RABL6: variants seen among roughly 807,000 people sequenced by gnomAD.
RABL6 encodes the protein RAB, member RAS oncogene family like 6.
In RABL6, 28 loss-of-function variants were observed where a neutral mutation model predicts 72.9. The ratio of observed to expected loss-of-function variants is 0.38; its 90% CI spans 0.28 to 0.53. RABL6 has a LOEUF of 0.53. RABL6 is among the 20% of genes least tolerant of loss of function. RABL6 has a pLI of 0.80. For missense variants in RABL6, 1,029 were observed against 1,008.4 expected, an observed-to-expected ratio of 1.02 and a Z score of -0.28; for synonymous variants, 477 against 421.2, an observed-to-expected ratio of 1.13 and a Z score of -1.62.
chr9:136,822,012 G>A (rs1306420624), intron 1 of RABL6: 1 of 1,289,726 alleles, frequency 7.8e-7, no homozygotes, highest in Non-Finnish European at 1.0e-6. Context: ...GGATGGGCGA[G>A]GAAATGAACA....
intron 1 of RABL6, chr9:136,809,385 A>G: frequency 4.2e-6 from 1 of 239,026 alleles, no homozygotes; most frequent in Middle Eastern, 1.0e-3. Flanking sequence ...GAGCAAGAGG[A>G]AGCTGCAGAC....
rs939266247 is a variant in RABL6, at chr9:136,840,882, T to G, written c.*360T>G. 1 of 1,522,972 alleles carries G rather than the reference T, an allele frequency of 6.6e-7. No homozygotes were observed. Among genetic ancestry groups the G allele is most frequent in the South Asian group, 1.2e-5 (1 of 82,074 alleles). The allele number at this position is 1,522,972 out of a possible 1,614,324, so 94.3% of individuals were successfully genotyped here. A position where few individuals can be genotyped will look rare whatever the true frequency, so the allele number is the denominator to read the frequency against. The stretch of plus-strand genomic sequence containing the variant: ...GGGCAGGGGCCGCTTGGCTGTGGGG[T>G]GTGCGCTGCCCCGGCACCTGCTTGC... On this transcript the variant is annotated 3_prime_UTR_variant, in exon 15 of 15. Coordinates refer to ENST00000311502, the MANE Select transcript of RABL6 (RefSeq NM_024718.5).
intron 5 of RABL6, among the ~76,000 whole-genome samples, 194 bp downstream of exon 5, chr9:136,829,678 T>C (rs1848431098): frequency 6.6e-6 from 1 of 152,244 alleles, no homozygotes; most frequent in African/African-American, 2.4e-5. Flanking sequence ...ACTATGCCTG[T>C]GCCTATGGGG....
Position 136,839,752 on chromosome 9 carries a change from C to T in RABL6, c.1817C>T (p.Ala606Val), listed in dbSNP as rs1252514905. 1.2e-6 allele frequency: 2 copies of T among 1,611,192 alleles called. No homozygotes were observed. Among genetic ancestry groups the T allele is most frequent in the Admixed American group, 3.3e-5 (2 of 59,868 alleles). Reference protein sequence around the residue: ...SDVTDEDEGPAEPPPPPKLPL... With the variant: ...SDVTDEDEGPVEPPPPPKLPL... ...GTGACTGACGAGGATGAGGGCCCTG[C>T]CGAGCCGCCCCCACCCCCCAAGCTC... The change falls in exon 13 of 15, where the codon GCC becomes GTC. Residue 606 changes from alanine (A) to valine (V), a missense_variant. By Grantham distance (64) the Ala-to-Val change is moderately conservative. Coordinates refer to ENST00000311502, the MANE Select transcript of RABL6 (RefSeq NM_024718.5).
intron 1 of RABL6, chr9:136,821,769 A>G: frequency 1.7e-6 from 2 of 1,158,274 alleles, no homozygotes; most frequent in Non-Finnish European, 2.2e-6. Context: ...AGGGCGCTGC[A>G]GGCGGCCTCT....
intron 7 of RABL6, chr9:136,832,842 C>G (rs913515202): frequency 2.9e-5 from 9 of 312,870 alleles, no homozygotes; most frequent in African/African-American, 1.5e-4. Context: ...AACCAAGGAA[C>G]CAACTTTGGC....
chr9:136,841,017 G>C lies in RABL6; in HGVS notation c.*495G>C, dbSNP rs1324378575. ...AAAGGGCGGCCCAGGCCCCACGCTAGAAGGCTGGCGAGACCGAAGGCAGCA... is the reference window on the plus strand; with the variant it reads ...AAAGGGCGGCCCAGGCCCCACGCTACAAGGCTGGCGAGACCGAAGGCAGCA... On this transcript the variant is annotated 3_prime_UTR_variant, in exon 15 of 15. Transcript: ENST00000311502. 7.0e-7 allele frequency: 1 copy of C among 1,434,676 alleles called. No homozygotes were observed. The highest frequency in any genetic ancestry group is 1.4e-5 in the African/African-American group (1 of 69,270). The allele number at this position is 1,434,676 out of a possible 1,614,324, so 88.9% of individuals were successfully genotyped here.
chr9:136,838,989 G>A lies in RABL6; in HGVS notation c.1361G>A (p.Ser454Asn). ...GACCTCGAAGACCAGCCACGTGGGA[G>A]TCCCCCGCTGCCTGCAGGCCCCGTC... ...DVDLEDQPRG[S>N]PPLPAGPVPS... The change falls in exon 11 of 15, where the codon AGT (serine) becomes AAT (asparagine). Residue 454 changes from serine (S) to asparagine (N), a missense_variant. Physicochemically the swap from Ser to Asn is conservative, Grantham distance 46. Around this residue, in one of 2 missense-constraint regions of RABL6, gnomAD observed 595 missense variants for 472.4 expected, o/e 1.26. Transcript: ENST00000311502. The A allele has an allele frequency of 6.2e-7, 1 of 1,611,920 alleles. No homozygotes were observed. Among genetic ancestry groups the A allele is most frequent in the Non-Finnish European group, 8.5e-7 (1 of 1,179,566 alleles).
chr9:136,839,359 C>G lies in RABL6; in HGVS notation c.1631C>G (p.Pro544Arg). 3 of 1,612,670 alleles carry G rather than the reference C, an allele frequency of 1.9e-6. No homozygotes were observed. Among genetic ancestry groups the G allele is most frequent in the Non-Finnish European group, 2.5e-6 (3 of 1,179,794 alleles). ...ACCAGGCCCCCTGCTGAGATGGAGC[C>G]GGGGAAGGGTGAGCAGGCCTCCTCG... is the stretch of plus-strand genomic sequence containing the variant. ...SSTRPPAEME[P>R]GKGEQASSSE... Residue 544 changes from proline to arginine, a missense_variant, in exon 12 of 15, where the codon CCG becomes CGG. Transcript: ENST00000311502.
chr9:136,821,319 C>T (rs1471520079), intron 1 of RABL6: 70 of 985,118 alleles, frequency 7.1e-5, no homozygotes, highest in Non-Finnish European at 8.4e-5. Context: ...CTCCGCGTTG[C>T]TAACGCCCCA....
intron 10 of RABL6, among the ~76,000 whole-genome samples, chr9:136,838,259 G>A (rs1199342148): frequency 6.6e-6 from 1 of 152,198 alleles, no homozygotes; most frequent in African/African-American, 2.4e-5. Flanking sequence ...GGGCACCTTG[G>A]GGTCTTCTGT....
At position 136,832,584 on chromosome 9, in the gene RABL6, C is replaced by G. The variant is rs896163188; in HGVS notation, c.705+214C>G. 7 of 628,054 alleles carry G rather than the reference C, an allele frequency of 1.1e-5. No homozygotes were observed. The African/African-American group carries it at 1.3e-4, about 11-fold the overall frequency. The allele number at this position is 628,054 out of a possible 1,614,324, so 38.9% of individuals were successfully genotyped here. ...TGAGGGCTAGACCCAGTCCCAGGAGCCCCTCCACCTCTGCGGGGACCCCTT... is the reference window on the plus strand; with the variant it reads ...TGAGGGCTAGACCCAGTCCCAGGAGGCCCTCCACCTCTGCGGGGACCCCTT... On this transcript the variant is annotated intron_variant, in intron 7 of 14. Transcript: ENST00000311502.
chr9:136,840,907 C>G lies in RABL6; in HGVS notation c.*385C>G. On this transcript the variant is annotated 3_prime_UTR_variant, in exon 15 of 15. Coordinates refer to ENST00000311502, the MANE Select transcript of RABL6 (RefSeq NM_024718.5). ...TGTGCGCTGCCCCGGCACCTGCTTG[C>G]CCTCCGCGCTCATCTGGGGCCGCAG... 1 of 1,495,196 alleles carries G rather than the reference C, an allele frequency of 6.7e-7. No individual in the cohort carries two copies. Among genetic ancestry groups the G allele is most frequent in the South Asian group, 1.3e-5 (1 of 77,282 alleles). The allele number at this position is 1,495,196 out of a possible 1,614,324, so 92.6% of individuals were successfully genotyped here. A position where few individuals can be genotyped will look rare whatever the true frequency, so the allele number is the denominator to read the frequency against.
rs547365475 is a variant in RABL6, at chr9:136,841,012, C to G, written c.*490C>G. The G allele has an allele frequency of 7.0e-7, 1 of 1,435,548 alleles. No homozygotes were observed. Among genetic ancestry groups the G allele is most frequent in the South Asian group, 1.5e-5 (1 of 66,240 alleles). The allele number at this position is 1,435,548 out of a possible 1,614,324, so 88.9% of individuals were successfully genotyped here. Reference sequence around the variant, plus strand: ...ACCCTAAAGGGCGGCCCAGGCCCCACGCTAGAAGGCTGGCGAGACCGAAGG... The same window carrying G: ...ACCCTAAAGGGCGGCCCAGGCCCCAGGCTAGAAGGCTGGCGAGACCGAAGG... On this transcript the variant is annotated 3_prime_UTR_variant, in exon 15 of 15. Coordinates refer to ENST00000311502, the MANE Select transcript of RABL6 (RefSeq NM_024718.5).
At chr9:136,833,526 C>A in intron 7 of RABL6, 2 of 743,252 alleles carry the variant, frequency 2.7e-6, no homozygotes, top group Admixed American at 2.7e-5. Context: ...CCTGGGCTGC[C>A]CCGACTGGGT....
At chr9:136,836,024 C>G (rs755456929) in intron 8 of RABL6, 179 bp downstream of exon 8, 140 of 602,196 alleles carry the variant, frequency 2.3e-4, no homozygotes, top group Middle Eastern at 1.8e-3. Flanking sequence ...AGCAGCCCCC[C>G]CACAGTCACC....
At chr9:136,820,802 T>C (rs931959295) in intron 1 of RABL6, among the ~76,000 whole-genome samples, 1 of 152,210 alleles carries the variant, frequency 6.6e-6, no homozygotes, top group African/African-American at 2.4e-5. Flanking sequence ...GGTGTTGCAG[T>C]ATCCGAATAA....
intron 1 of RABL6, chr9:136,822,198 G>T: frequency 1.1e-6 from 1 of 910,916 alleles, no homozygotes; most frequent in Non-Finnish European, 1.5e-6. Flanking sequence ...AAAACCTGGG[G>T]GGGGCGTTGC....
intron 1 of RABL6, among the ~76,000 whole-genome samples, chr9:136,812,112 T>C (rs1848024591): frequency 6.6e-6 from 1 of 152,198 alleles, no homozygotes; most frequent in African/African-American, 2.4e-5. Context: ...CTTTCTACTG[T>C]GACTGGACAC....
Sources: gnomAD v4.1 joint callset for allele counts (sites outside exome capture counted in the v4.1 genomes callset) on GRCh38, gnomAD v4.1.1 for gene constraint, gnomAD v4.1.1 regional missense constraint, MANE v1.5 for transcripts, NCBI Gene and HGNC (gene_info 2026-07-23, HGNC 2026-07-21) for gene names.